Variants in PAK3 observed in about 807,000 individuals in gnomAD.
PAK3 encodes p21 (RAC1) activated kinase 3.
PAK3 carries 4 observed loss-of-function variants against 41.0 expected under a neutral mutation model. The observed-to-expected ratio is 0.10, with a 90% CI of 0.05 to 0.22. PAK3 has a LOEUF of 0.22. Ranked by LOEUF, PAK3 falls within the 10% of genes least tolerant of loss-of-function variation. The pLI, the probability that PAK3 is intolerant of heterozygous loss-of-function variation, is 1.00. For missense variants in PAK3, 205 were observed against 409.9 expected, an observed-to-expected ratio of 0.50 and a Z score of 4.32; for synonymous variants, 146 against 139.6, an observed-to-expected ratio of 1.05 and a Z score of -0.32.
At chrX:111,075,922 T>C (rs973229981) in intron 1 of PAK3, among the ~76,000 whole-genome samples, 2 of 112,599 alleles carry the variant, frequency 1.8e-5, no homozygotes, top group Non-Finnish European at 3.8e-5. Flanking sequence ...GGAGAATATT[T>C]TGGAGCTTTA....
chrX:110,965,868 G>A lies in PAK3; in HGVS notation c.-28+21240G>A, dbSNP rs139052493. 1.1e-3 allele frequency among the ~76,000 whole-genome samples: 128 copies of A among 111,978 alleles called. 1 individual carries two copies. In the East Asian group the frequency reaches 0.03, roughly 26 times the overall value. ...CTTGTATTATCCCCATTTTATAGAT[G>A]TGGAAGCTGAGGATCAAAGGGGTTA... On this transcript the variant is annotated intron_variant, in intron 1 of 14. Transcript: ENST00000425146.
intron 5 of PAK3, among the ~76,000 whole-genome samples, chrX:111,124,977 T>C (rs752290757): frequency 3.7e-4 from 42 of 112,175 alleles, no homozygotes; most frequent in Non-Finnish European, 6.0e-4. Flanking sequence ...GTTGTCTTTA[T>C]AACTAGCCAC....
intron 1 of PAK3, among the ~76,000 whole-genome samples, chrX:111,006,867 T>G (rs1165834804): frequency 2.5e-4 from 23 of 91,583 alleles, no homozygotes; most frequent in African/African-American, 9.2e-4. Context: ...TTTTTTTTGA[T>G]AAGTTTTCCC....
intron 5 of PAK3, among the ~76,000 whole-genome samples, chrX:111,138,175 A>G (rs1174661041): frequency 2.7e-5 from 3 of 109,858 alleles, no homozygotes; most frequent in Admixed American, 9.8e-5. Flanking sequence ...AACCCTGGGT[A>G]TATGATTTAA....
chrX:110,944,902 C>G (rs2090577828), intron 1 of PAK3, among the ~76,000 whole-genome samples: 1 of 112,158 alleles, frequency 8.9e-6, no homozygotes. Context: ...CCACTCCCTG[C>G]ATCCACTTCC....
intron 11 of PAK3, among the ~76,000 whole-genome samples, chrX:111,176,965 CAAAA>C: frequency 1.1e-5 from 1 of 89,634 alleles, no homozygotes; most frequent in East Asian, 3.6e-4. Context: ...CTTTCTGGAC[CAAAA>C]AAAAAAAAAA....
chrX:111,116,392 C>T (rs1025041080), intron 4 of PAK3, among the ~76,000 whole-genome samples: 3 of 111,383 alleles, frequency 2.7e-5, no homozygotes, highest in Non-Finnish European at 5.6e-5. Flanking sequence ...AATAATGCAT[C>T]GGTTTGCAAA....
rs751796171 is a variant in PAK3 at position 111,117,378 on chromosome X, A to G, written c.-27-5699A>G. Among the ~76,000 whole-genome samples the G allele has an allele frequency of 4.5e-5, 5 of 111,702 alleles. No homozygotes were observed. The East Asian group carries it at 1.4e-3, about 32-fold the overall frequency. ...ACTATTCTCAGTTTTTTCATTTGTG[A>G]CCTTGGGCAAGTACTTAAACTCAAA... is the stretch of plus-strand genomic sequence containing the variant. On this transcript the variant is annotated intron_variant, in intron 4 of 17. Coordinates refer to ENST00000372007, the MANE Select transcript of PAK3 (RefSeq NM_002578.5).
At chrX:111,174,127 C>T (rs769163786) in intron 11 of PAK3, among the ~76,000 whole-genome samples, 1 of 111,629 alleles carries the variant, frequency 9.0e-6, no homozygotes, top group African/African-American at 3.2e-5. Flanking sequence ...TCTTCAAGAA[C>T]CACACTGCTT....
chrX:111,088,369 TA>T (rs1420708389), intron 1 of PAK3, among the ~76,000 whole-genome samples: 2 of 112,059 alleles, frequency 1.8e-5, no homozygotes, highest in Non-Finnish European at 3.8e-5. Context: ...GCCAGCGGTT[TA>T]ATTACAGAGA....
chrX:111,016,759 G>T (rs2896892), intron 1 of PAK3, among the ~76,000 whole-genome samples: 1 of 90,216 alleles, frequency 1.1e-5, no homozygotes, highest in East Asian at 3.6e-4. Context: ...AGGGAGAGAG[G>T]GAGGGAGGGA....
At chrX:111,201,550 G>A (rs1412707099) in intron 16 of PAK3, among the ~76,000 whole-genome samples, 1 of 111,487 alleles carries the variant, frequency 9.0e-6, no homozygotes, top group Non-Finnish European at 1.9e-5. Context: ...GAGGTAGAAG[G>A]AAGGAAGTGA....
At chrX:111,019,367 T>C (rs982142379) in intron 1 of PAK3, among the ~76,000 whole-genome samples, 1 of 109,809 alleles carries the variant, frequency 9.1e-6, no homozygotes, top group Non-Finnish European at 1.9e-5. Context: ...TCCAGAATTG[T>C]AAACTCAACA....
intron 1 of PAK3, among the ~76,000 whole-genome samples, chrX:110,953,714 T>C (rs1188686510): frequency 8.9e-6 from 1 of 111,888 alleles, no homozygotes; most frequent in Non-Finnish European, 1.9e-5. Flanking sequence ...ATCTATGATA[T>C]GAAACTGCAC....
chrX:111,050,365 T>G (rs1419742452), intron 1 of PAK3, among the ~76,000 whole-genome samples: 1 of 112,051 alleles, frequency 8.9e-6, no homozygotes, highest in African/African-American at 3.2e-5. Flanking sequence ...GGAAAAAGCC[T>G]AGCTATAAAG....
At chrX:111,005,894 A>G (rs1391545117) in intron 1 of PAK3, among the ~76,000 whole-genome samples, 1 of 111,788 alleles carries the variant, frequency 8.9e-6, no homozygotes, top group Non-Finnish European at 1.9e-5. Flanking sequence ...GCAATGAGGA[A>G]AGGCCCAGTA....
intron 1 of PAK3, among the ~76,000 whole-genome samples, chrX:111,054,687 A>G (rs2092588712): frequency 9.0e-6 from 1 of 111,576 alleles, no homozygotes; most frequent in South Asian, 3.8e-4. Context: ...AACAATATCT[A>G]TTCAGAATAT....
intron 4 of PAK3, among the ~76,000 whole-genome samples, chrX:111,106,999 C>G (rs1445700577): frequency 8.9e-6 from 1 of 112,309 alleles, no homozygotes; most frequent in East Asian, 2.8e-4. Context: ...CTGTCCAACA[C>G]AGGTTGGAGT....
In PAK3 at chrX:111,222,734, A is replaced by G. The variant is rs773048467; in HGVS notation, c.*2287A>G. On this transcript the variant is annotated 3_prime_UTR_variant, in exon 18 of 18. Transcript: ENST00000372007. ...GGTTAGGAAGCCCTATTCATTAGTT[A>G]GCATCCCTTACATGTTGAGAAGGCC... 20 of 111,327 alleles carry G rather than the reference A, an allele frequency of 1.8e-4. No individual in the cohort carries two copies. The highest frequency in any genetic ancestry group is 3.8e-4 in the Non-Finnish European group (20 of 53,035). 9.2% of individuals were successfully genotyped at this position (111,327 alleles called of 1,213,427 possible).
Sources: allele counts gnomAD v4.1 joint callset (sites outside exome capture counted in the v4.1 genomes callset), GRCh38; gene constraint gnomAD v4.1.1; transcripts MANE v1.5; gene names NCBI Gene and HGNC (gene_info 2026-07-23, HGNC 2026-07-21).